COL10A1: variants seen among roughly 807,000 people sequenced by gnomAD.
COL10A1 encodes collagen alpha-1(X) chain.
Under a neutral mutation model 18.2 loss-of-function variants are expected in COL10A1, and 10 were observed. The observed-to-expected ratio is 0.55, with a 90% CI of 0.34 to 0.93. The LOEUF is 0.93. COL10A1 is among the 40% of genes least tolerant of loss of function. The pLI is 0.02. For synonymous variants in COL10A1, 330 were observed against 316.6 expected (o/e 1.04, Z -0.45); for missense variants, 897 against 853.5 (o/e 1.05, Z -0.64).
chr6:116,147,918 G>A (rs1237045188), intron 1 of COL10A1, among the ~76,000 whole-genome samples: 3 of 152,010 alleles, frequency 2.0e-5, no homozygotes, highest in South Asian at 4.2e-4. Context: ...CCTGGGAGGC[G>A]GAGGTTGCAG....
rs1684402150 is a variant in COL10A1, at chr6:116,119,415, A to G, written c.*658T>C. ...TAGAAAAGTTTGAAAAGGTTCATTG[A>G]TGAAAGCACCTTGCATTTCAGATGA... On this transcript the variant is annotated 3_prime_UTR_variant, in exon 3 of 3. Coordinates refer to ENST00000651968, the MANE Select transcript of COL10A1 (RefSeq NM_000493.4). 6.6e-6 allele frequency: 1 copy of G among 152,546 alleles called. No individual in the cohort carries two copies. Among genetic ancestry groups the G allele is most frequent in the Non-Finnish European group, 1.5e-5 (1 of 68,050 alleles). 9.4% of individuals were successfully genotyped at this position (152,546 alleles called of 1,614,324 possible). A position where few individuals can be genotyped will look rare whatever the true frequency, so the allele number is the denominator to read the frequency against.
chr6:116,122,849 A>G (rs140230341), intron 2 of COL10A1, among the ~76,000 whole-genome samples: 1 of 152,226 alleles, frequency 6.6e-6, no homozygotes, highest in Admixed American at 6.5e-5. Flanking sequence ...TTATATTTCA[A>G]TTTGAAAACA....
chr6:116,175,390 T>A, the COL10A1 span, among the ~76,000 whole-genome samples: 1 of 152,306 alleles, frequency 6.6e-6, no homozygotes, highest in Non-Finnish European at 1.5e-5. Flanking sequence ...TTGACTATGA[T>A]GTGGTAGATT....
At chr6:116,140,553 ATT>A (rs2114363087) in intron 1 of COL10A1, among the ~76,000 whole-genome samples, 1 of 152,246 alleles carries the variant, frequency 6.6e-6, no homozygotes, top group Admixed American at 6.5e-5. Flanking sequence ...GAAACTTAAC[ATT>A]AGCATTCTTT....
chr6:116,174,070 T>C, the COL10A1 span, among the ~76,000 whole-genome samples: 13 of 152,228 alleles, frequency 8.5e-5, no homozygotes, highest in African/African-American at 2.4e-5. Flanking sequence ...ACTGCAGTTG[T>C]GGTTCACTTC....
the COL10A1 span, among the ~76,000 whole-genome samples, chr6:116,182,235 G>GTGTGTGTGTA: frequency 2.8e-4 from 43 of 151,424 alleles, 1 homozygote; most frequent in African/African-American, 2.9e-4. Context: ...GTGTGTGTGT[G>GTGTGTGTGTA]TGTGTGTGTG....
the COL10A1 span, among the ~76,000 whole-genome samples, chr6:116,215,207 AAGG>A: frequency 1.3e-5 from 2 of 152,174 alleles, no homozygotes; most frequent in African/African-American, 4.8e-5. Flanking sequence ...TAGGGTTATA[AAGG>A]AGGACACATG....
intron 1 of COL10A1, among the ~76,000 whole-genome samples, chr6:116,133,199 AT>A (rs1194047426): frequency 6.6e-6 from 1 of 152,208 alleles, no homozygotes; most frequent in African/African-American, 2.4e-5. Flanking sequence ...TGAGTTAAAA[AT>A]ATAGAATGTC....
intron 1 of COL10A1, among the ~76,000 whole-genome samples, chr6:116,132,559 G>A (rs1306870634): frequency 1.3e-5 from 2 of 151,826 alleles, no homozygotes; most frequent in Non-Finnish European, 2.9e-5. Flanking sequence ...CAGCTGTAAG[G>A]GGCAGGAAAG....
chr6:116,147,580 C>T (rs1779930576), intron 1 of COL10A1, among the ~76,000 whole-genome samples: 1 of 151,830 alleles, frequency 6.6e-6, no homozygotes, highest in South Asian at 2.1e-4. Context: ...AACAATAACC[C>T]AGTTGAATAA....
chr6:116,125,475 G>A lies in COL10A1; in HGVS notation c.18C>T (p.Pro6=). 1 of 1,613,750 alleles carries A rather than the reference G, an allele frequency of 6.2e-7. No individual in the cohort carries two copies. The highest frequency in any genetic ancestry group is 1.1e-5 in the South Asian group (1 of 91,064). The change falls in exon 2 of 3, where the codon CCC becomes CCT. Residue 6 remains proline, a synonymous_variant. Transcript: ENST00000651968. The part of the protein sequence containing the change: MLPQI[P]FLLLVSLNLV... ...AGTTCAAGGATACTAGCAGCAAAAA[G>A]GGTATTTGTGGCAGCATATTCTCAG...
Position 116,121,171 on chromosome 6 carries a change from A to G in COL10A1, c.945T>C (p.Leu315=), listed in dbSNP as rs1304201702. The G allele has an allele frequency of 6.2e-7, 1 of 1,612,958 alleles. No individual in the cohort carries two copies. Among genetic ancestry groups the G allele is most frequent in the African/African-American group, 1.3e-5 (1 of 74,794 alleles). Residue 315 remains leucine (L), a synonymous_variant, in exon 3 of 3, where the codon CTT becomes CTC. Coordinates refer to ENST00000651968, the MANE Select transcript of COL10A1 (RefSeq NM_000493.4). ...GLKGERGPAG[L]PGGPGAKGEQ... ...CCCCTTTGGCACCTGGACCCCCAGG[A>G]AGGCCAGCAGGTCCTCTTTCTCCCT...
In COL10A1 at chr6:116,151,030, G is replaced by A. The variant is rs567085825; in HGVS notation, c.-16+7584C>T. ...AACAACTCTTTGTGGCATTTAAAAT[G>A]TTATCTCATTGATAGAAATCTTGAC... On this transcript the variant is annotated intron_variant, in intron 1 of 1. Coordinates refer to the COL10A1 transcript ENST00000418500. Among the ~76,000 whole-genome samples, 5 of 152,280 alleles carry A rather than the reference G, an allele frequency of 3.3e-5. No individual in the cohort carries two copies. The East Asian group carries it at 7.7e-4, about 23-fold the overall frequency.
chr6:116,207,863 A>G, the COL10A1 span, among the ~76,000 whole-genome samples: 21 of 152,032 alleles, frequency 1.4e-4, no homozygotes, highest in African/African-American at 5.1e-4. Flanking sequence ...TCATTATGGA[A>G]TGAGGACTGG....
chr6:116,200,075 A>G, the COL10A1 span, among the ~76,000 whole-genome samples: 5 of 152,110 alleles, frequency 3.3e-5, no homozygotes, highest in South Asian at 8.3e-4. Context: ...GTCAACATCA[A>G]CAGTGACCCT....
the COL10A1 span, among the ~76,000 whole-genome samples, chr6:116,208,222 T>G: frequency 1.3e-5 from 2 of 152,070 alleles, no homozygotes; most frequent in Non-Finnish European, 2.9e-5. Flanking sequence ...CATTGCCACA[T>G]TTCTGAGTCT....
upstream of COL10A1, among the ~76,000 whole-genome samples, chr6:116,161,011 A>C (rs1286163388): frequency 6.6e-6 from 1 of 152,080 alleles, no homozygotes; most frequent in African/African-American, 2.4e-5. Context: ...CTATGCAGCC[A>C]TAAAAAATGA....
chr6:116,215,467 T>C, the COL10A1 span, among the ~76,000 whole-genome samples: 1 of 152,132 alleles, frequency 6.6e-6, no homozygotes, highest in South Asian at 2.1e-4. Flanking sequence ...CCCTATGAAA[T>C]TGTACCTCAC....
At chr6:116,204,496 C>T in the COL10A1 span, among the ~76,000 whole-genome samples, 3 of 151,868 alleles carry the variant, frequency 2.0e-5, no homozygotes, top group Non-Finnish European at 2.9e-5. Flanking sequence ...GGTAAGTGTA[C>T]ACACATATAT....
Sources: allele counts gnomAD v4.1 joint callset (sites outside exome capture counted in the v4.1 genomes callset), GRCh38; gene constraint gnomAD v4.1.1; transcripts MANE v1.5; gene names NCBI Gene and HGNC (gene_info 2026-07-23, HGNC 2026-07-21).